NPHP1: variants seen among roughly 807,000 people sequenced by gnomAD.
The protein encoded by NPHP1 is nephrocystin 1.
Under a neutral mutation model 90.4 loss-of-function variants are expected in NPHP1, and 70 were observed. The observed-to-expected ratio is 0.77, with a 90% CI of 0.64 to 0.95. NPHP1 has a LOEUF of 0.95. Ranked by LOEUF, NPHP1 falls within the 40% of genes least tolerant of loss-of-function variation. NPHP1 has a pLI of 0.00. For missense variants in NPHP1, 764 were observed against 795.9 expected (o/e 0.96, Z 0.48); for synonymous variants, 256 against 271.7 (o/e 0.94, Z 0.57).
intron 1 of NPHP1, among the ~76,000 whole-genome samples, chr2:110,204,123 C>T (rs763399952): frequency 1.3e-5 from 2 of 152,102 alleles, no homozygotes; most frequent in Non-Finnish European, 2.9e-5. Flanking sequence ...CATAGCAGAT[C>T]CCTGGAAATG....
chr2:110,135,605 T>A (rs1680121420), intron 16 of NPHP1, among the ~76,000 whole-genome samples: 1 of 151,426 alleles, frequency 6.6e-6, no homozygotes, highest in African/African-American at 2.4e-5. Flanking sequence ...ATATCTTAGA[T>A]CATTCTAATA....
intron 4 of NPHP1, among the ~76,000 whole-genome samples, chr2:110,170,948 A>G (rs1197362800): frequency 1.3e-5 from 2 of 152,158 alleles, no homozygotes; most frequent in African/African-American, 4.8e-5. Flanking sequence ...CGCGGAATGT[A>G]GCCCAGGTGA....
chr2:110,133,034 A>G (rs1330509274), intron 16 of NPHP1, among the ~76,000 whole-genome samples: 3 of 152,160 alleles, frequency 2.0e-5, no homozygotes, highest in Non-Finnish European at 2.9e-5. Context: ...GAGTAATAAA[A>G]TGGCAAAAGT....
At chr2:110,141,868 T>G (rs1185223860) in intron 16 of NPHP1, among the ~76,000 whole-genome samples, 6 of 149,410 alleles carry the variant, frequency 4.0e-5, no homozygotes, top group Admixed American at 3.4e-4. Context: ...AGCTACTCGG[T>G]AGGCTGAGGC....
rs191858375 is a variant in NPHP1, at chr2:110,130,716, G to A, written c.1642+963C>T. ...ACACATGCATGTCTTCTTTCCTTGG[G>A]TCTTCAGACATGCTGGCCCCTCTAC... On this transcript the variant is annotated intron_variant, in intron 17 of 19. Transcript: ENST00000445609. Among the ~76,000 whole-genome samples, 91 of 152,188 alleles carry A rather than the reference G, an allele frequency of 6.0e-4. 1 individual carries two copies. Among genetic ancestry groups the A allele is most frequent in the African/African-American group, 2.1e-3 (87 of 41,520 alleles).
intron 11 of NPHP1, among the ~76,000 whole-genome samples, chr2:110,153,155 C>T (rs1421878283): frequency 6.6e-6 from 1 of 152,074 alleles, no homozygotes; most frequent in African/African-American, 2.4e-5. Context: ...AAGGAAATGA[C>T]ACAATAGTTT....
chr2:110,136,329 C>G (rs960844157), intron 16 of NPHP1, among the ~76,000 whole-genome samples: 2 of 152,128 alleles, frequency 1.3e-5, no homozygotes, highest in African/African-American at 4.8e-5. Flanking sequence ...CCAGGGCAAT[C>G]AGGCAGGAGA....
chr2:110,160,137 T>C lies in NPHP1; in HGVS notation c.1073A>G (p.Asp358Gly). Reference sequence around the variant, plus strand: ...TCTCAGTAACCTTACCTTATTACCATCAAATAGACAGAGGCGTACATGTCT... The same window carrying C: ...TCTCAGTAACCTTACCTTATTACCACCAAATAGACAGAGGCGTACATGTCT... ...LSRHVRLCLF[D>G]GNKVLSNIHT... Residue 358 changes from aspartate (D) to glycine (G), a missense_variant, in exon 11 of 20, where the codon GAT becomes GGT. Coordinates refer to ENST00000445609, the MANE Select transcript of NPHP1 (RefSeq NM_001128178.3). The C allele has an allele frequency of 6.2e-7, 1 of 1,613,062 alleles. No individual in the cohort carries two copies. Among genetic ancestry groups the C allele is most frequent in the South Asian group, 1.1e-5 (1 of 91,058 alleles).
chr2:110,164,924 T>G, intron 7 of NPHP1, 128 bp downstream of exon 7: 1 of 885,652 alleles, frequency 1.1e-6, no homozygotes, highest in East Asian at 2.6e-5. Flanking sequence ...AAGCAGACAA[T>G]AGTATGAAAA....
chr2:110,132,715 C>G (rs1184959034), intron 16 of NPHP1, among the ~76,000 whole-genome samples: 1 of 152,068 alleles, frequency 6.6e-6, no homozygotes, highest in African/African-American at 2.4e-5. Flanking sequence ...GTCTGGTATA[C>G]AGTAAGGGCT....
chr2:110,179,798 C>T (rs1327231752), intron 2 of NPHP1, 114 bp from the exon 3 acceptor site: 2 of 563,446 alleles, frequency 3.5e-6, no homozygotes, highest in Non-Finnish European at 6.4e-6. Flanking sequence ...ACTGTATGAA[C>T]AATACTAAAA....
chr2:110,160,769 T>C (rs1213938249), intron 10 of NPHP1, among the ~76,000 whole-genome samples: 1 of 152,230 alleles, frequency 6.6e-6, no homozygotes. Flanking sequence ...ATAATTCAGA[T>C]TGTGAGTAAA....
intron 2 of NPHP1, among the ~76,000 whole-genome samples, chr2:110,193,356 C>A (rs1234195432): frequency 6.6e-6 from 1 of 151,912 alleles, no homozygotes; most frequent in Admixed American, 6.6e-5. Flanking sequence ...GGGTTGCAAT[C>A]CTAGTCTCTG....
chr2:110,170,486 A>T (rs1017117943), intron 4 of NPHP1, among the ~76,000 whole-genome samples: 3 of 152,148 alleles, frequency 2.0e-5, no homozygotes, highest in African/African-American at 7.2e-5. Flanking sequence ...CAAAGTGTTT[A>T]GAACAGTGCT....
chr2:110,141,968 G>C (rs1680670785), intron 16 of NPHP1, among the ~76,000 whole-genome samples: 1 of 113,382 alleles, frequency 8.8e-6, no homozygotes, highest in African/African-American at 3.6e-5. Flanking sequence ...GCCAGACTCT[G>C]TCTCAAAAAA....
intron 18 of NPHP1, chr2:110,126,324 T>C (rs1438551318): frequency 1.3e-5 from 2 of 153,838 alleles, no homozygotes; most frequent in Non-Finnish European, 2.9e-5. Context: ...TGCATGTCAG[T>C]AGATATCCTC....
rs140235718 is a variant in NPHP1 at position 110,132,241 on chromosome 2, T to A, written c.1530-450A>T. 2.2e-3 allele frequency among the ~76,000 whole-genome samples: 332 copies of A among 152,334 alleles called. 3 individuals carry two copies. Among genetic ancestry groups the A allele is most frequent in the African/African-American group, 7.5e-3 (310 of 41,580 alleles). ...AGACCTGGAATAAGTCCTGACTTTG[T>A]CACTTCTTAGCTATGTGACTTTAAA... On this transcript the variant is annotated intron_variant, in intron 16 of 19. Transcript: ENST00000445609.
In NPHP1 at chr2:110,146,800, C is replaced by G. The variant is rs1193790186; in HGVS notation, c.1305G>C (p.Trp435Cys). The G allele has an allele frequency of 6.2e-7, 1 of 1,613,646 alleles. No homozygotes were observed. The highest frequency in any genetic ancestry group is 8.5e-7 in the Non-Finnish European group (1 of 1,179,646). ...TGERGELSCG[W>C]VFLKLFDASG... Reference sequence around the variant, plus strand: ...TGGCATCAAAAAGTTTAAGAAACACCCAGCCACAGCTTAACTCTCCTCTTT... The same window carrying G: ...TGGCATCAAAAAGTTTAAGAAACACGCAGCCACAGCTTAACTCTCCTCTTT... Residue 435 changes from tryptophan to cysteine, a missense_variant, in exon 14 of 20, where the codon TGG (tryptophan) becomes TGC (cysteine). Trp to Cys is a radical substitution (Grantham distance 215, BLOSUM62 -2). Transcript: ENST00000445609.
At chr2:110,197,668 T>C (rs992350063) in intron 2 of NPHP1, among the ~76,000 whole-genome samples, 1 of 152,088 alleles carries the variant, frequency 6.6e-6, no homozygotes, top group African/African-American at 2.4e-5. Flanking sequence ...AAGCAAAGGA[T>C]GGCAGAGTGG....
Sources: gnomAD v4.1 joint callset for allele counts (sites outside exome capture counted in the v4.1 genomes callset) on GRCh38, gnomAD v4.1.1 for gene constraint, MANE v1.5 for transcripts, NCBI Gene and HGNC (gene_info 2026-07-23, HGNC 2026-07-21) for gene names.